TMEM108: variants seen among roughly 807,000 people sequenced by gnomAD.
The protein encoded by TMEM108 is cancer/testis antigen 124.
In TMEM108, 12 loss-of-function variants were observed where a neutral mutation model predicts 35.1. That is an observed-to-expected ratio of 0.34 (90% confidence interval 0.22 to 0.55). TMEM108 has a LOEUF of 0.55. TMEM108 is among the 20% of genes least tolerant of loss of function. The pLI is 0.89. For synonymous variants in TMEM108, 287 were observed against 308.6 expected, an observed-to-expected ratio of 0.93 and a Z score of 0.73; for missense variants, 680 against 753.3, an observed-to-expected ratio of 0.90 and a Z score of 1.14.
At chr3:133,049,621 T>C (rs1341542779) in intron 2 of TMEM108, among the ~76,000 whole-genome samples, 1 of 152,198 alleles carries the variant, frequency 6.6e-6, no homozygotes, top group African/African-American at 2.4e-5. Context: ...ATCTGTCTGC[T>C]ACAGAAAGTG....
chr3:133,381,625 C>T (rs1032597919), intron 4 of TMEM108, among the ~76,000 whole-genome samples: 3 of 152,182 alleles, frequency 2.0e-5, no homozygotes, highest in African/African-American at 7.2e-5. Context: ...AATGTCGATG[C>T]TTCAAAATTT....
chr3:133,252,899 G>A (rs75711195), intron 3 of TMEM108, among the ~76,000 whole-genome samples: 2 of 152,118 alleles, frequency 1.3e-5, no homozygotes, highest in Admixed American at 6.5e-5. Context: ...AGGGCTGACT[G>A]TACTACCCAA....
intron 2 of TMEM108, among the ~76,000 whole-genome samples, chr3:133,196,235 C>T (rs1307167283): frequency 1.3e-5 from 2 of 152,116 alleles, no homozygotes; most frequent in African/African-American, 4.8e-5. Context: ...CCCTGTGATA[C>T]AATCATTGTA....
intron 3 of TMEM108, among the ~76,000 whole-genome samples, chr3:133,258,315 G>C (rs761314430): frequency 6.6e-6 from 1 of 152,122 alleles, no homozygotes; most frequent in Non-Finnish European, 1.5e-5. Context: ...AATTGCTGTT[G>C]TTTGGTATTT....
intron 2 of TMEM108, among the ~76,000 whole-genome samples, chr3:133,123,724 A>G (rs13073579): frequency 0.32 from 48,243 of 152,118 alleles, 9,056 homozygotes; most frequent in Non-Finnish European, 0.42. Flanking sequence ...AGGTTGCAAA[A>G]CTAGAAAAGT....
rs974978317 is a variant in TMEM108 at position 133,094,282 on chromosome 3, T to C, written c.-47+48262T>C. 2.3e-5 allele frequency among the ~76,000 whole-genome samples: 3 copies of C among 130,956 alleles called. No individual in the cohort carries two copies. In the East Asian group the frequency reaches 7.2e-4, roughly 31 times the overall value. 85.9% of individuals were successfully genotyped at this position (130,956 alleles called of 152,430 possible). A position where few individuals can be genotyped will look rare whatever the true frequency, so the allele number is the denominator to read the frequency against. On this transcript the variant is annotated intron_variant, in intron 2 of 5. Coordinates refer to ENST00000321871, the MANE Select transcript of TMEM108 (RefSeq NM_023943.4). ...TGCTGACCAGGTTGATAACCCTTGA[T>C]ACAAATGGAAGGAATACTAGATTCA... is the stretch of plus-strand genomic sequence containing the variant.
chr3:133,331,679 T>A (rs1025561149), intron 3 of TMEM108, among the ~76,000 whole-genome samples: 1 of 152,212 alleles, frequency 6.6e-6, no homozygotes, highest in African/African-American at 2.4e-5. Flanking sequence ...GGACCCGTAC[T>A]GATTATCATT....
chr3:133,331,436 T>G (rs553628065), intron 3 of TMEM108, among the ~76,000 whole-genome samples: 1 of 152,182 alleles, frequency 6.6e-6, no homozygotes, highest in African/African-American at 2.4e-5. Flanking sequence ...AATGGAACAT[T>G]CCTCTGATGG....
chr3:133,088,026 T>A (rs1353452116), intron 2 of TMEM108, among the ~76,000 whole-genome samples: 1 of 152,224 alleles, frequency 6.6e-6, no homozygotes, highest in Non-Finnish European at 1.5e-5. Flanking sequence ...ATTGTTACTG[T>A]GTCTAGAGTG....
At chr3:133,191,267 C>T (rs1054143927) in intron 2 of TMEM108, among the ~76,000 whole-genome samples, 1 of 152,074 alleles carries the variant, frequency 6.6e-6, no homozygotes, top group East Asian at 1.9e-4. Context: ...ATCACAGTCC[C>T]CTCCAGAGCC....
At chr3:133,076,365 G>A (rs566470824) in intron 2 of TMEM108, among the ~76,000 whole-genome samples, 16 of 151,942 alleles carry the variant, frequency 1.1e-4, no homozygotes, top group South Asian at 2.1e-4. Flanking sequence ...TAAAGAGACC[G>A]TGATATAGAT....
Position 133,342,555 on chromosome 3 carries a change from T to TATATATATACAC in TMEM108, c.41-37196_41-37195insTATATATACACA, listed in dbSNP as rs60991711. On this transcript the variant is annotated intron_variant, in intron 3 of 5. Coordinates refer to ENST00000321871, the MANE Select transcript of TMEM108 (RefSeq NM_023943.4). ...AAAAAGAAAATGTGGTATATATATA[T>TATATATATACAC]ACACACACACACACAATGGAGTACT... 5.2e-3 allele frequency among the ~76,000 whole-genome samples: 332 copies of TATATATATACAC among 63,450 alleles called. 34 individuals are homozygous for TATATATATACAC. In the East Asian group the frequency reaches 0.059, roughly 11 times the overall value. The allele number at this position is 63,450 out of a possible 152,430, so 41.6% of individuals were successfully genotyped here.
chr3:133,203,265 C>T lies in TMEM108; in HGVS notation c.-46-26001C>T, dbSNP rs537740387. On this transcript the variant is annotated intron_variant, in intron 2 of 5. Coordinates refer to ENST00000321871, the MANE Select transcript of TMEM108 (RefSeq NM_023943.4). Reference sequence around the variant, plus strand: ...AGAGACAGTTTGACTTCCTTTCTTCCTATTTGAATACTCTTTTTTTCTTTC... The same window carrying T: ...AGAGACAGTTTGACTTCCTTTCTTCTTATTTGAATACTCTTTTTTTCTTTC... 2.0e-5 allele frequency among the ~76,000 whole-genome samples: 3 copies of T among 152,256 alleles called. No individual in the cohort carries two copies. In the South Asian group the frequency reaches 6.2e-4, roughly 32 times the overall value.
At chr3:133,371,458 ACATGG>A in intron 3 of TMEM108, among the ~76,000 whole-genome samples, 2 of 152,104 alleles carry the variant, frequency 1.3e-5, no homozygotes, top group Non-Finnish European at 2.9e-5. Context: ...GTTCCTTTCC[ACATGG>A]GCCCCTCTCT....
At chr3:133,099,865 T>C (rs551754243) in intron 2 of TMEM108, among the ~76,000 whole-genome samples, 53 of 152,354 alleles carry the variant, frequency 3.5e-4, no homozygotes, top group African/African-American at 1.2e-3. Flanking sequence ...CCAAACTTTC[T>C]CACATTTTTC....
chr3:133,343,788 A>G (rs998458768), intron 3 of TMEM108, among the ~76,000 whole-genome samples: 1 of 151,898 alleles, frequency 6.6e-6, no homozygotes, highest in Admixed American at 6.6e-5. Flanking sequence ...CCAAACCCTT[A>G]TAAGATGTTT....
intron 2 of TMEM108, among the ~76,000 whole-genome samples, chr3:133,098,472 A>T (rs759274714): frequency 2.6e-5 from 4 of 152,102 alleles, no homozygotes; most frequent in Non-Finnish European, 5.9e-5. Flanking sequence ...CACATTTCAA[A>T]ACCAATTATG....
chr3:133,085,015 C>T (rs925139567), intron 2 of TMEM108, among the ~76,000 whole-genome samples: 1 of 152,150 alleles, frequency 6.6e-6, no homozygotes, highest in African/African-American at 2.4e-5. Context: ...AGAAGCACCT[C>T]GCGAGGCCTC....
chr3:133,067,848 A>G (rs746075059), intron 2 of TMEM108, among the ~76,000 whole-genome samples: 2 of 152,160 alleles, frequency 1.3e-5, no homozygotes, highest in Non-Finnish European at 2.9e-5. Flanking sequence ...TATAAGGAAC[A>G]GAAGTTTACT....
Sources: gnomAD v4.1 joint callset for allele counts (sites outside exome capture counted in the v4.1 genomes callset) on GRCh38, gnomAD v4.1.1 for gene constraint, MANE v1.5 for transcripts, NCBI Gene and HGNC (gene_info 2026-07-23, HGNC 2026-07-21) for gene names.